AKAP12: variants seen among roughly 807,000 people sequenced by gnomAD.
AKAP12 encodes the protein A-kinase anchor protein 12.
AKAP12 carries 32 observed loss-of-function variants against 79.9 expected under a neutral mutation model. The observed-to-expected ratio is 0.40, with a 90% CI of 0.30 to 0.54. The LOEUF (loss-of-function observed/expected upper bound fraction) is 0.54. Ranked by LOEUF, AKAP12 falls within the 20% of genes least tolerant of loss-of-function variation. The pLI is 0.48. For synonymous variants in AKAP12, 808 were observed against 857.0 expected (o/e 0.94, Z 1.00); for missense variants, 2,074 against 2,177.0 (o/e 0.95, Z 0.94).
chr6:151,332,629 A>G (rs966404779), intron 3 of AKAP12, among the ~76,000 whole-genome samples: 9 of 152,278 alleles, frequency 5.9e-5, no homozygotes, highest in African/African-American at 2.2e-4. Context: ...TCAATACAAG[A>G]CTGTATCACA....
At chr6:151,268,945 GTTTTTTTTTTTTTTTTTTTTTT>G (rs558502756) in intron 2 of AKAP12, among the ~76,000 whole-genome samples, 2 of 77,416 alleles carry the variant, frequency 2.6e-5, no homozygotes, top group African/African-American at 5.1e-5. Flanking sequence ...TGCTCGGCCT[GTTTTTTTTTTTTTTTTTTTTTT>G]TTTTTTTTTT....
At chr6:151,266,841 CTG>C in intron 2 of AKAP12, among the ~76,000 whole-genome samples, 1 of 151,856 alleles carries the variant, frequency 6.6e-6, no homozygotes, top group African/African-American at 2.4e-5. Flanking sequence ...ATATGCAAAA[CTG>C]TATTCCACAA....
intron 3 of AKAP12, among the ~76,000 whole-genome samples, chr6:151,333,992 A>C (rs1469772509): frequency 2.6e-5 from 4 of 151,348 alleles, no homozygotes; most frequent in African/African-American, 9.7e-5. Context: ...GCATCTGGCC[A>C]GGCTCTGTGG....
At chr6:151,254,547 C>T (rs897842155) in intron 2 of AKAP12, among the ~76,000 whole-genome samples, 1 of 152,056 alleles carries the variant, frequency 6.6e-6, no homozygotes, top group African/African-American at 2.4e-5. Context: ...GACCGGGTTT[C>T]GCCAAGTTGG....
chr6:151,274,869 G>A (rs1271327195), intron 2 of AKAP12, among the ~76,000 whole-genome samples: 1 of 152,130 alleles, frequency 6.6e-6, no homozygotes, highest in African/African-American at 2.4e-5. Context: ...TTGGGAGGCC[G>A]AGGCAGATGG....
At chr6:151,287,294 C>G (rs1776525597) in intron 2 of AKAP12, among the ~76,000 whole-genome samples, 1 of 151,962 alleles carries the variant, frequency 6.6e-6, no homozygotes, top group African/African-American at 2.4e-5. Context: ...GGGTGTTGCT[C>G]TGTTGCCCAG....
intron 3 of AKAP12, among the ~76,000 whole-genome samples, chr6:151,312,697 C>G (rs999110368): frequency 3.4e-5 from 5 of 149,092 alleles, no homozygotes; most frequent in African/African-American, 1.2e-4. Flanking sequence ...GAGGCTGAAG[C>G]AGGAGAATCG....
intron 2 of AKAP12, among the ~76,000 whole-genome samples, chr6:151,275,912 T>G (rs1284430112): frequency 1.3e-5 from 2 of 152,264 alleles, no homozygotes; most frequent in Non-Finnish European, 2.9e-5. Flanking sequence ...ATCTGGAAAG[T>G]TGTTCTTATC....
intron 3 of AKAP12, chr6:151,325,087 A>G (rs951811674): frequency 1.0e-6 from 1 of 985,356 alleles, no homozygotes; most frequent in African/African-American, 1.7e-5. Context: ...AGAAGGAACA[A>G]GTTCACTTCT....
chr6:151,247,769 C>A (rs548155175), intron 2 of AKAP12, among the ~76,000 whole-genome samples: 1 of 152,320 alleles, frequency 6.6e-6, no homozygotes, highest in East Asian at 1.9e-4. Flanking sequence ...CCCGTTCTCA[C>A]GGCAAACAGC....
chr6:151,319,538 A>G (rs555090845), intron 3 of AKAP12: 2 of 79,608 alleles, frequency 2.5e-5, no homozygotes, highest in Non-Finnish European at 4.8e-5. Flanking sequence ...ATATATATAT[A>G]TAGATATAGA....
intron 3 of AKAP12, among the ~76,000 whole-genome samples, chr6:151,323,231 C>T (rs1341814957): frequency 6.6e-6 from 1 of 152,174 alleles, no homozygotes; most frequent in African/African-American, 2.4e-5. Flanking sequence ...ATTGCTCTGC[C>T]TTGTGATTTT....
chr6:151,327,134 T>A (rs1012766139), intron 3 of AKAP12, among the ~76,000 whole-genome samples: 2 of 151,450 alleles, frequency 1.3e-5, no homozygotes, highest in Non-Finnish European at 2.9e-5. Context: ...TTTTTTTTTT[T>A]AATCAACTGT....
At chr6:151,348,017 C>CAA (rs34068923) in intron 3 of AKAP12, among the ~76,000 whole-genome samples, 2 of 142,708 alleles carry the variant, frequency 1.4e-5, no homozygotes, top group African/African-American at 5.6e-5. Context: ...ACTAAAAATA[C>CAA]AAAAAAAAAA....
intron 2 of AKAP12, among the ~76,000 whole-genome samples, chr6:151,264,165 A>G (rs1261733476): frequency 2.0e-5 from 3 of 152,120 alleles, no homozygotes; most frequent in South Asian, 2.1e-4. Context: ...CTGGGGCTCA[A>G]TATCCAAGCA....
intron 2 of AKAP12, among the ~76,000 whole-genome samples, chr6:151,269,916 T>C (rs1776146501): frequency 6.6e-6 from 1 of 152,148 alleles, no homozygotes; most frequent in African/African-American, 2.4e-5. Context: ...CAGAGCCAAA[T>C]CTGTCTCTCT....
intron 3 of AKAP12, among the ~76,000 whole-genome samples, chr6:151,328,979 TTACA>T: frequency 6.6e-6 from 1 of 152,338 alleles, no homozygotes; most frequent in East Asian, 1.9e-4. Context: ...CTTATTCACA[TTACA>T]TACTGTTGCC....
chr6:151,260,579 C>T (rs1188286233), intron 2 of AKAP12, among the ~76,000 whole-genome samples: 1 of 152,230 alleles, frequency 6.6e-6, no homozygotes, highest in African/African-American at 2.4e-5. Flanking sequence ...CCCCTTGTTT[C>T]AGACCCTGTC....
At chr6:151,240,836 C>A (rs1213504038) in intron 2 of AKAP12, 112 bp downstream of exon 2, 17 of 979,798 alleles carry the variant, frequency 1.7e-5, no homozygotes, top group Admixed American at 4.6e-5. Context: ...CCCATCCAGC[C>A]GCATCTGCAA....
Sources: gnomAD v4.1 joint callset for allele counts (sites outside exome capture counted in the v4.1 genomes callset) on GRCh38, gnomAD v4.1.1 for gene constraint, MANE v1.5 for transcripts, NCBI Gene and HGNC (gene_info 2026-07-23, HGNC 2026-07-21) for gene names.